DLG2: variants seen among roughly 807,000 people sequenced by gnomAD.
DLG2 encodes the protein discs large MAGUK scaffold protein 2, also known as disks large homolog 2.
DLG2 carries 45 observed loss-of-function variants against 132.5 expected under a neutral mutation model. The observed-to-expected ratio is 0.34, with a 90% CI of 0.27 to 0.44. The LOEUF (loss-of-function observed/expected upper bound fraction) is 0.44. DLG2 is among the 20% of genes least tolerant of loss of function. The probability of loss-of-function intolerance (pLI) is 1.00; values close to 1 mark genes in which losing one functional copy is unlikely to be tolerated. For synonymous variants in DLG2, 424 were observed against 419.6 expected (o/e 1.01, Z -0.13); for missense variants, 1,045 against 1,196.9 (o/e 0.87, Z 1.87).
chr11:84,617,402 GGT>G (rs1374981614), intron 6 of DLG2, among the ~76,000 whole-genome samples: 1 of 152,044 alleles, frequency 6.6e-6, no homozygotes, highest in African/African-American at 2.4e-5. Flanking sequence ...CATTTGGGTT[GGT>G]TCCAAGTCTT....
At chr11:83,992,725 A>G (rs1469620311) in intron 11 of DLG2, among the ~76,000 whole-genome samples, 4 of 152,098 alleles carry the variant, frequency 2.6e-5, no homozygotes, top group East Asian at 3.9e-4. Context: ...ATAAATGAAG[A>G]TAAGAGGTCA....
Position 84,504,045 on chromosome 11 carries a change from T to C in DLG2, c.519+30525A>G, listed in dbSNP as rs78153922. 7.2e-4 allele frequency among the ~76,000 whole-genome samples: 109 copies of C among 152,330 alleles called. 2 individuals are homozygous for C. The East Asian group carries it at 0.019, about 27-fold the overall frequency. The stretch of plus-strand genomic sequence containing the variant: ...TCCCAACACAGCTTTAATATTATTG[T>C]TGAAAATAATAACAAAAATAGCTGT... On this transcript the variant is annotated intron_variant, in intron 7 of 27. Coordinates refer to ENST00000376104, the MANE Select transcript of DLG2 (RefSeq NM_001142699.3).
intron 4 of DLG2, among the ~76,000 whole-genome samples, chr11:85,239,371 A>G (rs1426485877): frequency 6.6e-6 from 1 of 152,034 alleles, no homozygotes; most frequent in Non-Finnish European, 1.5e-5. Flanking sequence ...TATACATTTT[A>G]GTTTTTTATA....
chr11:83,564,134 T>C (rs2096662187), intron 19 of DLG2, among the ~76,000 whole-genome samples: 1 of 152,068 alleles, frequency 6.6e-6, no homozygotes, highest in Admixed American at 6.6e-5. Flanking sequence ...ATAAAATCAT[T>C]GGTGGGAATG....
intron 6 of DLG2, among the ~76,000 whole-genome samples, chr11:84,989,929 G>C (rs1301744539): frequency 2.6e-5 from 4 of 152,112 alleles, no homozygotes; most frequent in African/African-American, 9.7e-5. Flanking sequence ...TGGAGCAATT[G>C]GACATCTAAA....
intron 6 of DLG2, among the ~76,000 whole-genome samples, chr11:84,662,829 A>G (rs1420486545): frequency 6.7e-6 from 1 of 149,592 alleles, no homozygotes; most frequent in East Asian, 2.0e-4. Flanking sequence ...CTGAGTTTGA[A>G]GGTCCTGATT....
At chr11:84,601,662 G>A (rs144668660) in intron 6 of DLG2, among the ~76,000 whole-genome samples, 2 of 151,954 alleles carry the variant, frequency 1.3e-5, no homozygotes, top group Admixed American at 6.6e-5. Flanking sequence ...ATAATTACAC[G>A]TGATGATGTT....
At chr11:85,222,092 C>T (rs189820449) in intron 4 of DLG2, among the ~76,000 whole-genome samples, 11 of 152,200 alleles carry the variant, frequency 7.2e-5, no homozygotes, top group African/African-American at 2.2e-4. Flanking sequence ...GTGTGCTCCA[C>T]CACACCGAGC....
chr11:84,871,255 T>G (rs1326029264), intron 6 of DLG2, among the ~76,000 whole-genome samples: 1 of 152,240 alleles, frequency 6.6e-6, no homozygotes, highest in African/African-American at 2.4e-5. Context: ...GGATCTCAGA[T>G]AGCTCCCTAG....
At chr11:84,942,369 A>C (rs1181381928) in intron 6 of DLG2, among the ~76,000 whole-genome samples, 1 of 152,146 alleles carries the variant, frequency 6.6e-6, no homozygotes, top group Non-Finnish European at 1.5e-5. Context: ...TTATTGCTAT[A>C]AACATTCCTT....
At chr11:84,934,923 G>A (rs2048562403) in intron 6 of DLG2, among the ~76,000 whole-genome samples, 1 of 151,940 alleles carries the variant, frequency 6.6e-6, no homozygotes, top group South Asian at 2.1e-4. Context: ...CTGAGCTCCA[G>A]ACCCATTTAC....
At chr11:85,555,851 A>T (rs1181539041) in intron 3 of DLG2, among the ~76,000 whole-genome samples, 9 of 151,654 alleles carry the variant, frequency 5.9e-5, no homozygotes, top group Admixed American at 5.3e-4. Context: ...CTTTGGGTTT[A>T]TTTATTTCCC....
At chr11:84,923,680 C>G (rs2092869437) in intron 6 of DLG2, 3 of 655,106 alleles carry the variant, frequency 4.6e-6, no homozygotes, top group Middle Eastern at 7.6e-4. Flanking sequence ...TTGGCAAATA[C>G]TACAAATCAC....
At chr11:84,843,812 T>C (rs754938327) in intron 6 of DLG2, among the ~76,000 whole-genome samples, 1 of 151,718 alleles carries the variant, frequency 6.6e-6, no homozygotes, top group Non-Finnish European at 1.5e-5. Context: ...ATATTTTTGA[T>C]TCACAGCAGG....
At chr11:85,505,151 T>C (rs1229074214) in intron 3 of DLG2, among the ~76,000 whole-genome samples, 1 of 152,192 alleles carries the variant, frequency 6.6e-6, no homozygotes, top group Non-Finnish European at 1.5e-5. Context: ...AAATATACAA[T>C]CATGTCATCT....
intron 11 of DLG2, among the ~76,000 whole-genome samples, chr11:84,055,851 T>C (rs144644177): frequency 6.6e-6 from 1 of 152,218 alleles, no homozygotes; most frequent in Non-Finnish European, 1.5e-5. Flanking sequence ...TGAATTTTCT[T>C]TGTGAATCTC....
At chr11:85,605,861 C>T (rs147732221) in intron 2 of DLG2, among the ~76,000 whole-genome samples, 166 of 152,196 alleles carry the variant, frequency 1.1e-3, no homozygotes, top group African/African-American at 3.9e-3. Flanking sequence ...TGCCTGTAAT[C>T]CCAGCTACTT....
chr11:83,578,042 T>TTGTGTGTG (rs201528737), intron 19 of DLG2, among the ~76,000 whole-genome samples: 119 of 132,484 alleles, frequency 9.0e-4, no homozygotes, highest in Middle Eastern at 3.9e-3. Context: ...GGGGTTTATT[T>TTGTGTGTG]TGTGTGTGTG....
At chr11:84,348,697 A>T (rs1375650291) in intron 7 of DLG2, among the ~76,000 whole-genome samples, 2 of 152,196 alleles carry the variant, frequency 1.3e-5, no homozygotes, top group Non-Finnish European at 2.9e-5. Context: ...TTGGAAATAG[A>T]GTCTTTGTAA....
Sources: allele counts gnomAD v4.1 joint callset (sites outside exome capture counted in the v4.1 genomes callset), GRCh38; gene constraint gnomAD v4.1.1; transcripts MANE v1.5; gene names NCBI Gene and HGNC (gene_info 2026-07-23, HGNC 2026-07-21).